LARP4: variants seen among roughly 807,000 people sequenced by gnomAD.
The protein encoded by LARP4 is la-related protein 4.
LARP4 carries 29 observed loss-of-function variants against 92.9 expected under a neutral mutation model. The ratio of observed to expected loss-of-function variants is 0.31; its 90% CI spans 0.23 to 0.43. The LOEUF (loss-of-function observed/expected upper bound fraction) is 0.43, where lower values mean the gene tolerates loss of function less well. Among genes scored for constraint, LARP4 ranks in the 20% least tolerant of loss-of-function variants. The pLI, the probability that LARP4 is intolerant of heterozygous loss-of-function variation, is 1.00. For missense variants in LARP4, 732 were observed against 860.0 expected (o/e 0.85, Z 1.86); for synonymous variants, 279 against 284.1 (o/e 0.98, Z 0.18).
In LARP4 at chr12:50,477,041, T is replaced by A. The variant is rs545834458; in HGVS notation, c.*1177T>A. The A allele has an allele frequency of 1.3e-5, 2 of 152,598 alleles. No homozygotes were observed. The highest frequency in any genetic ancestry group is 3.9e-4 in the East Asian group (2 of 5,192). 9.5% of individuals were successfully genotyped at this position (152,598 alleles called of 1,614,324 possible). ...AAAAAATTTTTTTTAAAGGCTTAAT[T>A]TGGGAGGGGGGACTTATTTCTGTTT... On this transcript the variant is annotated 3_prime_UTR_variant, in exon 16 of 16. Transcript: ENST00000398473.
At chr12:50,410,626 G>A (rs897827781) in intron 1 of LARP4, among the ~76,000 whole-genome samples, 5 of 151,288 alleles carry the variant, frequency 3.3e-5, no homozygotes, top group Admixed American at 6.6e-5. Flanking sequence ...GGATGGTCTC[G>A]ATCTCCTGAC....
chr12:50,456,081 G>A (rs764625250), intron 10 of LARP4, among the ~76,000 whole-genome samples: 4 of 151,932 alleles, frequency 2.6e-5, no homozygotes, highest in Middle Eastern at 3.4e-3. Context: ...ACCCCTCCCC[G>A]CTCCCCCCTC....
intron 2 of LARP4, 37 bp from the exon 3 acceptor site, chr12:50,428,898 A>G (rs184727646): frequency 6.7e-7 from 1 of 1,495,652 alleles, no homozygotes; most frequent in Non-Finnish European, 9.0e-7. Flanking sequence ...GAATTTAAAT[A>G]ATTCCCATTT....
intron 1 of LARP4, among the ~76,000 whole-genome samples, chr12:50,423,581 T>A (rs1948217669): frequency 6.6e-6 from 1 of 150,712 alleles, no homozygotes; most frequent in African/African-American, 2.4e-5. Flanking sequence ...CCAGAGTAGC[T>A]GAGATTACAG....
At chr12:50,404,542 A>G in intron 1 of LARP4, among the ~76,000 whole-genome samples, 1 of 152,220 alleles carries the variant, frequency 6.6e-6, no homozygotes, top group South Asian at 2.1e-4. Context: ...GTGACAGAGC[A>G]AGACCAACTA....
At position 50,476,567 on chromosome 12, in the gene LARP4, G is replaced by A. The variant is rs894769596; in HGVS notation, c.*703G>A. ...TAAAACTCTGATTGTACTTAGAGAT[G>A]TGACTACCAATCAGTTTGATACTCA... On this transcript the variant is annotated 3_prime_UTR_variant, in exon 16 of 16. Coordinates refer to ENST00000398473, the MANE Select transcript of LARP4 (RefSeq NM_052879.5). 4.6e-5 allele frequency: 7 copies of A among 152,488 alleles called. No homozygotes were observed. Among genetic ancestry groups the A allele is most frequent in the Non-Finnish European group, 1.0e-4 (7 of 68,020 alleles). The allele number at this position is 152,488 out of a possible 1,614,324, so 9.4% of individuals were successfully genotyped here.
chr12:50,411,291 C>G (rs1945844444), intron 1 of LARP4, among the ~76,000 whole-genome samples: 1 of 151,312 alleles, frequency 6.6e-6, no homozygotes, highest in Non-Finnish European at 1.5e-5. Flanking sequence ...GTTCAAGTGA[C>G]TCTCCTCTGC....
At chr12:50,457,560 T>C (rs1954547893) in intron 10 of LARP4, among the ~76,000 whole-genome samples, 1 of 152,076 alleles carries the variant, frequency 6.6e-6, no homozygotes, top group Admixed American at 6.6e-5. Context: ...ATGCCTATAT[T>C]CCCCACACAT....
intron 1 of LARP4, among the ~76,000 whole-genome samples, chr12:50,401,897 A>G (rs1943919936): frequency 6.6e-6 from 1 of 152,210 alleles, no homozygotes; most frequent in African/African-American, 2.4e-5. Context: ...AATTTCCCTT[A>G]ATTCTGTCCT....
intron 12 of LARP4, among the ~76,000 whole-genome samples, chr12:50,466,593 G>A (rs1228844279): frequency 6.6e-6 from 1 of 152,008 alleles, no homozygotes; most frequent in African/African-American, 2.4e-5. Flanking sequence ...CAGCCTTGGT[G>A]ACAAACTAAG....
intron 12 of LARP4, among the ~76,000 whole-genome samples, chr12:50,466,266 A>G (rs975412036): frequency 6.6e-6 from 1 of 152,078 alleles, no homozygotes; most frequent in African/African-American, 2.4e-5. Flanking sequence ...GAGATTTTTC[A>G]TATATGTTAT....
intron 8 of LARP4, among the ~76,000 whole-genome samples, chr12:50,451,892 T>C (rs2138199205): frequency 6.6e-6 from 1 of 152,070 alleles, no homozygotes; most frequent in East Asian, 1.9e-4. Flanking sequence ...TAATCCCAGC[T>C]ACTCAGGAGG....
Position 50,467,150 on chromosome 12 carries a change from A to G in LARP4, c.1545+30A>G, listed in dbSNP as rs781693434. ...ACACCCAGCATCTGAGTCTTACCTT[A>G]TGAGACCATATTTAGGCTTTATTTG... On this transcript the variant is annotated intron_variant, in intron 13 of 15. Coordinates refer to ENST00000398473, the MANE Select transcript of LARP4 (RefSeq NM_052879.5). 1.1e-5 allele frequency: 17 copies of G among 1,546,682 alleles called. No homozygotes were observed. In the South Asian group the frequency reaches 1.7e-4, roughly 15 times the overall value.
intron 4 of LARP4, among the ~76,000 whole-genome samples, chr12:50,435,008 A>G (rs1179605799): frequency 1.3e-5 from 2 of 152,226 alleles, no homozygotes; most frequent in African/African-American, 4.8e-5. Context: ...AGTTTGCGCC[A>G]CTGCGCTCCA....
intron 11 of LARP4, 30 bp from the exon 12 acceptor site, chr12:50,462,552 A>AAC: frequency 4.6e-6 from 3 of 651,388 alleles, no homozygotes; most frequent in South Asian, 1.5e-5. Flanking sequence ...CCTCCACCCC[A>AAC]CCCCACCCCC....
At chr12:50,402,611 C>T (rs1271625430) in intron 1 of LARP4, 2 of 262,524 alleles carry the variant, frequency 7.6e-6, no homozygotes, top group African/African-American at 4.7e-5. Flanking sequence ...TTAATAACAG[C>T]TCCATTTATT....
intron 4 of LARP4, 128 bp downstream of exon 4, chr12:50,430,698 G>C (rs1329559615): frequency 1.8e-6 from 1 of 554,618 alleles, no homozygotes; most frequent in Non-Finnish European, 3.1e-6. Flanking sequence ...GTCTCATGTT[G>C]TCGCTGGGCT....
chr12:50,472,891 C>G (rs1957087753), intron 13 of LARP4, among the ~76,000 whole-genome samples: 1 of 151,514 alleles, frequency 6.6e-6, no homozygotes, highest in Admixed American at 6.6e-5. Context: ...GCAATCTTGG[C>G]TCACTGCAAC....
chr12:50,415,286 C>T (rs1360260696), intron 1 of LARP4, among the ~76,000 whole-genome samples: 1 of 152,084 alleles, frequency 6.6e-6, no homozygotes, highest in East Asian at 1.9e-4. Context: ...AGAAGTACTG[C>T]TTATCTTTAT....
Sources: allele counts gnomAD v4.1 joint callset (sites outside exome capture counted in the v4.1 genomes callset), GRCh38; gene constraint gnomAD v4.1.1; transcripts MANE v1.5; gene names NCBI Gene and HGNC (gene_info 2026-07-23, HGNC 2026-07-21).